Variants in TFPI observed in about 807,000 individuals in gnomAD.
The protein encoded by TFPI is anti-convertin.
In TFPI, 15 loss-of-function variants were observed where a neutral mutation model predicts 34.6. That is an observed-to-expected ratio of 0.43 (90% confidence interval 0.29 to 0.67). The LOEUF is 0.67. Ranked by LOEUF, TFPI falls within the 30% of genes least tolerant of loss-of-function variation. TFPI has a pLI of 0.15. For missense variants in TFPI, 301 were observed against 364.0 expected (o/e 0.83, Z 1.41); for synonymous variants, 105 against 120.1 (o/e 0.87, Z 0.82).
intron 1 of TFPI, chr2:187,513,700 C>T (rs891923056): frequency 6.6e-6 from 1 of 152,618 alleles, no homozygotes; most frequent in Non-Finnish European, 1.5e-5. Context: ...AGCACCACCC[C>T]CTCCAGAGTC....
chr2:187,499,312 A>G (rs1480521406), intron 2 of TFPI, among the ~76,000 whole-genome samples: 1 of 152,174 alleles, frequency 6.6e-6, no homozygotes, highest in Middle Eastern at 3.4e-3. Context: ...ATTCATAACA[A>G]ATATAATTGA....
At chr2:187,504,332 T>G (rs1466626376) in intron 1 of TFPI, among the ~76,000 whole-genome samples, 1 of 152,122 alleles carries the variant, frequency 6.6e-6, no homozygotes, top group Non-Finnish European at 1.5e-5. Flanking sequence ...CCAGGTTTTC[T>G]GTGAGATAGC....
intron 1 of TFPI, chr2:187,546,713 G>T (rs1265663081): frequency 6.6e-6 from 1 of 152,060 alleles, no homozygotes; most frequent in African/African-American, 2.4e-5. Flanking sequence ...CCTGCTTTTT[G>T]TATTTGCTCT....
chr2:187,482,075 T>C (rs540206054), intron 6 of TFPI, among the ~76,000 whole-genome samples: 2 of 152,164 alleles, frequency 1.3e-5, no homozygotes, highest in African/African-American at 4.8e-5. Context: ...GGTAGTATGC[T>C]TACCAAAAAT....
intron 3 of TFPI, among the ~76,000 whole-genome samples, chr2:187,488,860 TG>T (rs1033702882): frequency 2.0e-5 from 3 of 151,546 alleles, no homozygotes; most frequent in Admixed American, 2.0e-4. Flanking sequence ...TTATTACCAA[TG>T]TAGAGAAGAA....
Position 187,506,854 on chromosome 2 carries a change from T to C in TFPI, c.-2-3084A>G, listed in dbSNP as rs140826319. Among the ~76,000 whole-genome samples, 945 of 152,232 alleles carry C rather than the reference T, an allele frequency of 6.2e-3. 10 individuals are homozygous for C. The highest frequency in any genetic ancestry group is 8.1e-3 in the Non-Finnish European group (550 of 67,986). ...TTAAACACCTGACTGGGGTAATGAT[T>C]GTTAGATTTCTCCACTATGAAGTTA... On this transcript the variant is annotated intron_variant, in intron 1 of 7. Coordinates refer to ENST00000233156, the MANE Select transcript of TFPI (RefSeq NM_006287.6).
At chr2:187,528,604 G>C (rs1687799174) in intron 1 of TFPI, among the ~76,000 whole-genome samples, 1 of 152,016 alleles carries the variant, frequency 6.6e-6, no homozygotes, top group Non-Finnish European at 1.5e-5. Context: ...TTAAATTACA[G>C]TTTGTCCTTC....
intron 1 of TFPI, among the ~76,000 whole-genome samples, chr2:187,539,710 G>C (rs760852914): frequency 6.6e-6 from 1 of 152,134 alleles, no homozygotes; most frequent in Non-Finnish European, 1.5e-5. Flanking sequence ...GTTTTCAAAA[G>C]GCTAGATGTG....
intron 1 of TFPI, among the ~76,000 whole-genome samples, chr2:187,546,314 A>G (rs1420932967): frequency 6.8e-6 from 1 of 147,818 alleles, no homozygotes; most frequent in African/African-American, 2.5e-5. Flanking sequence ...AAAAGATTAC[A>G]TTGTTTTCTT....
At position 187,478,734 on chromosome 2, in the gene TFPI, A is replaced by C. The variant is rs770120132; in HGVS notation, c.628+5390T>G. The C allele has an allele frequency of 8.1e-6, 13 of 1,613,846 alleles. No individual in the cohort carries two copies. The Admixed American group carries it at 2.2e-4, about 27-fold the overall frequency. On this transcript the variant is annotated intron_variant, in intron 6 of 7. Coordinates refer to ENST00000233156, the MANE Select transcript of TFPI (RefSeq NM_006287.6). ...AAAGAACATGGATGCATGAATGCAG[A>C]AGGCGTTCAGAAAGACTTGGTAAAT...
At chr2:187,525,883 T>A (rs1011419239) in intron 1 of TFPI, among the ~76,000 whole-genome samples, 2 of 152,100 alleles carry the variant, frequency 1.3e-5, no homozygotes, top group Non-Finnish European at 2.9e-5. Context: ...CCTAGCCAAC[T>A]AAAACAGACT....
chr2:187,551,994 A>T (rs910644140), intron 1 of TFPI, among the ~76,000 whole-genome samples: 6 of 152,192 alleles, frequency 3.9e-5, no homozygotes, highest in Non-Finnish European at 7.4e-5. Context: ...AGAAAAAAAT[A>T]AATTGATGAT....
At position 187,484,203 on chromosome 2, in the gene TFPI, C is replaced by T; in HGVS notation, c.549G>A (p.Gln183=). The stretch of plus-strand genomic sequence containing the variant: ...TGAGCTGGGTTCCATAATTATCCAC[C>T]TGGAAACCATTCGCTGGAAAAAAAT... The part of the protein sequence containing the change: ...NICEDGPNGF[Q]VDNYGTQLNA... The change falls in exon 6 of 8, where the codon CAG becomes CAA. Residue 183 remains glutamine, a synonymous_variant. Coordinates refer to ENST00000233156, the MANE Select transcript of TFPI (RefSeq NM_006287.6). 1 of 1,611,076 alleles carries T rather than the reference C, an allele frequency of 6.2e-7. No homozygotes were observed.
intron 5 of TFPI, chr2:187,484,607 A>G (rs545492274): frequency 3.3e-5 from 17 of 517,860 alleles, no homozygotes; most frequent in Non-Finnish European, 4.6e-5. Flanking sequence ...ATGCAACATA[A>G]AAAGTATTAG....
rs892954274 is a variant in TFPI, at chr2:187,465,568, G to C, written c.*1368C>G. 9.5e-6 allele frequency: 1 copy of C among 105,000 alleles called. No individual in the cohort carries two copies. Among genetic ancestry groups the C allele is most frequent in the African/African-American group, 3.4e-5 (1 of 29,202 alleles). 6.5% of individuals were successfully genotyped at this position (105,000 alleles called of 1,614,324 possible). A position where few individuals can be genotyped will look rare whatever the true frequency, so the allele number is the denominator to read the frequency against. On this transcript the variant is annotated 3_prime_UTR_variant, in exon 8 of 8. Transcript: ENST00000233156. ...GCCTAGGGATTGGGTGAACTTTTTC[G>C]AAAAAAAAAAAAAAAAGCATAAAGA...
intron 1 of TFPI, among the ~76,000 whole-genome samples, chr2:187,547,892 G>A (rs1362146978): frequency 6.6e-6 from 1 of 152,032 alleles, no homozygotes; most frequent in Non-Finnish European, 1.5e-5. Context: ...CTTGTTGAAT[G>A]CCCTACCTAA....
chr2:187,531,879 A>C (rs1030615529), intron 1 of TFPI, among the ~76,000 whole-genome samples: 10 of 152,162 alleles, frequency 6.6e-5, no homozygotes, highest in Non-Finnish European at 1.5e-4. Context: ...CCAAAGGTAG[A>C]AAGGATTGAG....
chr2:187,481,403 C>T (rs1692842706), intron 6 of TFPI, among the ~76,000 whole-genome samples: 1 of 151,376 alleles, frequency 6.6e-6, no homozygotes, highest in African/African-American at 2.4e-5. Flanking sequence ...TAAGAGGTGT[C>T]TGTAGATCTC....
At position 187,465,844 on chromosome 2, in the gene TFPI, G is replaced by C. The variant is rs1691698131; in HGVS notation, c.*1092C>G. On this transcript the variant is annotated 3_prime_UTR_variant, in exon 8 of 8. Coordinates refer to ENST00000233156, the MANE Select transcript of TFPI (RefSeq NM_006287.6). ...ACACTACAGAAACTGACATGTCTTG[G>C]AGGTTGTTGAGGTTGTTGAGGTTGT... 6.7e-6 allele frequency: 1 copy of C among 148,486 alleles called. No homozygotes were observed. Among genetic ancestry groups the C allele is most frequent in the African/African-American group, 2.4e-5 (1 of 41,202 alleles). The allele number at this position is 148,486 out of a possible 1,614,324, so 9.2% of individuals were successfully genotyped here. A position where few individuals can be genotyped will look rare whatever the true frequency, so the allele number is the denominator to read the frequency against.
Sources: gnomAD v4.1 joint callset for allele counts (sites outside exome capture counted in the v4.1 genomes callset) on GRCh38, gnomAD v4.1.1 for gene constraint, MANE v1.5 for transcripts, NCBI Gene and HGNC (gene_info 2026-07-23, HGNC 2026-07-21) for gene names.